The following SNTB1 variants were observed in gnomAD, a reference collection of about 807,000 sequenced individuals.
The protein encoded by SNTB1 is beta-1-syntrophin.
SNTB1 carries 36 observed loss-of-function variants against 48.9 expected under a neutral mutation model. That is an observed-to-expected ratio of 0.74 (90% CI 0.56 to 0.97). The LOEUF is 0.97. SNTB1 is among the 50% of genes least tolerant of loss of function. The pLI, the probability that SNTB1 is intolerant of heterozygous loss-of-function variation, is 0.00. For synonymous variants in SNTB1, 299 were observed against 294.6 expected, an observed-to-expected ratio of 1.01 and a Z score of -0.15; for missense variants, 786 against 703.4, an observed-to-expected ratio of 1.12 and a Z score of -1.33.
intron 1 of SNTB1, among the ~76,000 whole-genome samples, chr8:120,722,344 T>A (rs1460612599): frequency 6.6e-6 from 1 of 152,264 alleles, no homozygotes; most frequent in Non-Finnish European, 1.5e-5. Flanking sequence ...ATGGTTGAAC[T>A]AGTTTACACT....
intron 1 of SNTB1, among the ~76,000 whole-genome samples, chr8:120,784,599 C>G (rs1453771037): frequency 2.0e-5 from 3 of 152,080 alleles, no homozygotes; most frequent in Non-Finnish European, 4.4e-5. Context: ...CCTTCTCTCT[C>G]CAGAATTTGG....
intron 3 of SNTB1, among the ~76,000 whole-genome samples, chr8:120,584,580 C>T (rs997364473): frequency 6.6e-6 from 1 of 151,688 alleles, no homozygotes; most frequent in Non-Finnish European, 1.5e-5. Context: ...AAAGAATTCT[C>T]TCTATCAAGG....
intron 3 of SNTB1, among the ~76,000 whole-genome samples, chr8:120,612,656 C>T (rs765225509): frequency 5.9e-5 from 9 of 152,130 alleles, no homozygotes; most frequent in South Asian, 2.1e-4. Context: ...TGGGTTCAAG[C>T]GATTTTCCTG....
chr8:120,742,255 G>C (rs1819053514), intron 1 of SNTB1, among the ~76,000 whole-genome samples: 1 of 152,166 alleles, frequency 6.6e-6, no homozygotes, highest in Admixed American at 6.5e-5. Context: ...TTAGAAAGCT[G>C]TGCCTTTAAA....
chr8:120,655,976 G>A (rs1421768330), intron 2 of SNTB1, among the ~76,000 whole-genome samples: 1 of 152,230 alleles, frequency 6.6e-6, no homozygotes, highest in Non-Finnish European at 1.5e-5. Context: ...TTGTGAGACA[G>A]TTGTTAAGGA....
intron 1 of SNTB1, among the ~76,000 whole-genome samples, chr8:120,707,250 T>C (rs1280606931): frequency 6.6e-6 from 1 of 152,116 alleles, no homozygotes; most frequent in Non-Finnish European, 1.5e-5. Flanking sequence ...CCATCAAATT[T>C]TACCTCCTCC....
At chr8:120,651,840 C>A (rs956345227) in intron 2 of SNTB1, among the ~76,000 whole-genome samples, 1 of 151,964 alleles carries the variant, frequency 6.6e-6, no homozygotes, top group African/African-American at 2.4e-5. Flanking sequence ...GCCAAAAATA[C>A]CTAACAGAGT....
chr8:120,631,207 A>G (rs1294682754), intron 3 of SNTB1, among the ~76,000 whole-genome samples: 2 of 152,310 alleles, frequency 1.3e-5, no homozygotes, highest in East Asian at 3.9e-4. Flanking sequence ...TCAAAATTAT[A>G]TCAGCCATCC....
rs1820395675 is a variant in SNTB1 at position 120,809,766 on chromosome 8, G to A, written c.571+1507C>T. 2.6e-5 allele frequency among the ~76,000 whole-genome samples: 4 copies of A among 152,108 alleles called. No homozygotes were observed. In the South Asian group the frequency reaches 8.3e-4, roughly 32 times the overall value. On this transcript the variant is annotated intron_variant, in intron 1 of 6. Coordinates refer to ENST00000517992, the MANE Select transcript of SNTB1 (RefSeq NM_021021.4). ...GTCAAGCAAACTTTTTTTCTGTTATGTTAATCATCAAGCCAAAGCAAACAG... is the reference window on the plus strand; with the variant it reads ...GTCAAGCAAACTTTTTTTCTGTTATATTAATCATCAAGCCAAAGCAAACAG...
chr8:120,787,084 A>G (rs1439468331), intron 1 of SNTB1, among the ~76,000 whole-genome samples: 7 of 152,244 alleles, frequency 4.6e-5, no homozygotes, highest in African/African-American at 1.7e-4. Context: ...TGAGAAAGCC[A>G]TTACACAAGG....
chr8:120,716,621 G>T (rs541321478), intron 1 of SNTB1, among the ~76,000 whole-genome samples: 4 of 152,258 alleles, frequency 2.6e-5, no homozygotes, highest in Admixed American at 2.6e-4. Flanking sequence ...TTAGTAATCA[G>T]AAATGTCCAC....
chr8:120,739,188 C>T (rs1474634465), intron 1 of SNTB1, among the ~76,000 whole-genome samples: 1 of 152,130 alleles, frequency 6.6e-6, no homozygotes, highest in Non-Finnish European at 1.5e-5. Context: ...TATTTAAAAG[C>T]CTTCTCTTTT....
chr8:120,684,262 GT>G (rs1817989173), intron 2 of SNTB1, among the ~76,000 whole-genome samples: 1 of 152,150 alleles, frequency 6.6e-6, no homozygotes, highest in Non-Finnish European at 1.5e-5. Context: ...ATGGAGAGGA[GT>G]TTTCAACATA....
chr8:120,662,526 T>G (rs1195869991), intron 2 of SNTB1, among the ~76,000 whole-genome samples: 3 of 152,188 alleles, frequency 2.0e-5, no homozygotes, highest in African/African-American at 7.2e-5. Context: ...ACTTTCTACT[T>G]CTTGGCATCA....
chr8:120,693,747 G>T lies in SNTB1; in HGVS notation c.733C>A (p.Pro245Thr). The T allele has an allele frequency of 1.9e-6, 3 of 1,613,728 alleles. No homozygotes were observed. Among genetic ancestry groups the T allele is most frequent in the East Asian group, 2.2e-5 (1 of 44,862 alleles). The change falls in exon 2 of 7, where the codon CCC (proline) becomes ACC (threonine). Residue 245 changes from proline (P) to threonine (T), a missense_variant. Coordinates refer to ENST00000517992, the MANE Select transcript of SNTB1 (RefSeq NM_021021.4). Reference sequence around the variant, plus strand: ...CGAGTGACGTAGCACATTTTGAGGGGGATGCTTTTCCGGTCTCTGTGGAAG... The same window carrying T: ...CGAGTGACGTAGCACATTTTGAGGGTGATGCTTTTCCGGTCTCTGTGGAAG... ...FSFHRDRKSI[P>T]LKMCYVTRSM...
intron 1 of SNTB1, among the ~76,000 whole-genome samples, chr8:120,736,925 A>ATC (rs1012987303): frequency 2.6e-5 from 4 of 151,932 alleles, no homozygotes; most frequent in African/African-American, 9.7e-5. Context: ...CTCTCTCTCC[A>ATC]TCTCTCTCTC....
At chr8:120,572,463 A>C (rs1474153027) in intron 4 of SNTB1, among the ~76,000 whole-genome samples, 2 of 152,238 alleles carry the variant, frequency 1.3e-5, no homozygotes, top group African/African-American at 4.8e-5. Context: ...AAGCACAAAC[A>C]AAAAGAGCTG....
chr8:120,566,508 C>T (rs2130674754), intron 4 of SNTB1, among the ~76,000 whole-genome samples: 1 of 152,152 alleles, frequency 6.6e-6, no homozygotes, highest in South Asian at 2.1e-4. Flanking sequence ...GTCTCCAGAA[C>T]TGTGAGAACA....
intron 1 of SNTB1, among the ~76,000 whole-genome samples, chr8:120,709,724 G>T (rs946014200): frequency 8.6e-5 from 13 of 151,994 alleles, no homozygotes; most frequent in Non-Finnish European, 8.8e-5. Context: ...CACTGTGTTG[G>T]GAAAGTCTGC....
Sources: allele counts gnomAD v4.1 joint callset (sites outside exome capture counted in the v4.1 genomes callset), GRCh38; gene constraint gnomAD v4.1.1; transcripts MANE v1.5; gene names NCBI Gene and HGNC (gene_info 2026-07-23, HGNC 2026-07-21).